SMARCC1: variants seen among roughly 807,000 people sequenced by gnomAD.
SMARCC1 encodes SWI/SNF related BAF chromatin remodeling complex subunit C1, also known as SWI/SNF complex subunit SMARCC1.
Under a neutral mutation model 147.4 loss-of-function variants are expected in SMARCC1, and 43 were observed. That is an observed-to-expected ratio of 0.29 (90% CI 0.23 to 0.38). SMARCC1 has a LOEUF of 0.38. Ranked by LOEUF, SMARCC1 falls within the 10% of genes least tolerant of loss-of-function variation. SMARCC1 has a pLI of 1.00. For synonymous variants in SMARCC1, 495 were observed against 484.4 expected (o/e 1.02, Z -0.29); for missense variants, 1,119 against 1,381.1 (o/e 0.81, Z 3.01).
Position 47,638,722 on chromosome 3 carries a change from T to A in SMARCC1, c.2376+3A>T, listed in dbSNP as rs1394169740. On this transcript the variant is annotated splice_donor_region_variant and intron_variant, in intron 22 of 27. Transcript: ENST00000254480. Reference sequence around the variant, plus strand: ...CTGTGGTTTTACTGCTGTGAGACTTTACCTTTTCAGGCTGCTGACCATCAG... The same window carrying A: ...CTGTGGTTTTACTGCTGTGAGACTTAACCTTTTCAGGCTGCTGACCATCAG... The A allele has an allele frequency of 6.2e-7, 1 of 1,611,982 alleles. No homozygotes were observed. The highest frequency in any genetic ancestry group is 8.5e-7 in the Non-Finnish European group (1 of 1,178,010).
chr3:47,656,556 G>C (rs1396020805), intron 21 of SMARCC1, among the ~76,000 whole-genome samples: 1 of 152,140 alleles, frequency 6.6e-6, no homozygotes, highest in Non-Finnish European at 1.5e-5. Context: ...GTCTACAAGA[G>C]AGGCACTTTT....
At chr3:47,685,136 C>A (rs1415018114) in intron 14 of SMARCC1, among the ~76,000 whole-genome samples, 1 of 152,068 alleles carries the variant, frequency 6.6e-6, no homozygotes, top group Non-Finnish European at 1.5e-5. Context: ...GGGCCACTAA[C>A]TAAAATAGGG....
At chr3:47,727,830 A>T (rs1269378778) in intron 6 of SMARCC1, among the ~76,000 whole-genome samples, 2 of 151,972 alleles carry the variant, frequency 1.3e-5, no homozygotes, top group Non-Finnish European at 2.9e-5. Flanking sequence ...ACCTCAGGTG[A>T]TCCACCCGCC....
chr3:47,653,089 C>G (rs1402070323), intron 21 of SMARCC1, among the ~76,000 whole-genome samples: 2 of 151,920 alleles, frequency 1.3e-5, no homozygotes, highest in Non-Finnish European at 2.9e-5. Context: ...TCCCGAGTAG[C>G]TGGGACTACA....
chr3:47,661,584 T>C (rs900784575), intron 20 of SMARCC1, 129 bp from the exon 21 acceptor site: 10 of 635,488 alleles, frequency 1.6e-5, no homozygotes, highest in Non-Finnish European at 2.7e-5. Context: ...AGGCTCTCAG[T>C]CCCTCTATAC....
chr3:47,680,056 G>T (rs2106760880), intron 15 of SMARCC1, among the ~76,000 whole-genome samples: 1 of 152,088 alleles, frequency 6.6e-6, no homozygotes, highest in Admixed American at 6.6e-5. Flanking sequence ...TAAACAGATA[G>T]ATAGATAAAT....
intron 24 of SMARCC1, among the ~76,000 whole-genome samples, chr3:47,632,629 T>C (rs1273101947): frequency 2.6e-5 from 4 of 151,896 alleles, no homozygotes; most frequent in Admixed American, 6.6e-5. Context: ...CTGGGTAACA[T>C]GGCAAAACCC....
chr3:47,631,630 C>G (rs1171507216), intron 24 of SMARCC1, among the ~76,000 whole-genome samples: 2 of 152,138 alleles, frequency 1.3e-5, no homozygotes, highest in East Asian at 3.8e-4. Flanking sequence ...CTTGAAAAAC[C>G]TTTCAGGGGA....
chr3:47,727,577 G>A (rs1340993914), intron 6 of SMARCC1, among the ~76,000 whole-genome samples: 3 of 151,336 alleles, frequency 2.0e-5, no homozygotes, highest in Admixed American at 6.6e-5. Flanking sequence ...TTTAACCTGG[G>A]TTTTGGCCAT....
intron 21 of SMARCC1, among the ~76,000 whole-genome samples, chr3:47,653,026 G>A (rs1381032375): frequency 1.4e-5 from 2 of 145,154 alleles, no homozygotes; most frequent in African/African-American, 5.1e-5. Flanking sequence ...GCGCAATCTC[G>A]GCTCACTGCA....
chr3:47,758,392 A>C (rs2034729263), intron 2 of SMARCC1, among the ~76,000 whole-genome samples: 3 of 151,980 alleles, frequency 2.0e-5, no homozygotes, highest in African/African-American at 4.8e-5. Context: ...AAAAAAAAAA[A>C]ACAAAAACTA....
At chr3:47,766,811 T>C (rs1472086069) in intron 2 of SMARCC1, among the ~76,000 whole-genome samples, 2 of 152,168 alleles carry the variant, frequency 1.3e-5, no homozygotes. Context: ...AAATGCTTGG[T>C]TCTTTCTAAA....
At chr3:47,776,538 AGG>A (rs973382105) in intron 1 of SMARCC1, among the ~76,000 whole-genome samples, 61 of 152,012 alleles carry the variant, frequency 4.0e-4, no homozygotes, top group African/African-American at 1.4e-3. Context: ...CAGGAGACAG[AGG>A]TTGCAGCAAG....
chr3:47,638,808 C>A, intron 21 of SMARCC1, 28 bp from the exon 22 acceptor site: 2 of 1,539,302 alleles, frequency 1.3e-6, no homozygotes, highest in Non-Finnish European at 1.8e-6. Context: ...AGAACAAGTA[C>A]TCCAATGTGG....
chr3:47,710,317 CAAA>C (rs1261944966), intron 9 of SMARCC1, among the ~76,000 whole-genome samples: 1 of 151,986 alleles, frequency 6.6e-6, no homozygotes, highest in Non-Finnish European at 1.5e-5. Flanking sequence ...GACTCTGTCT[CAAA>C]AAATATATAT....
intron 7 of SMARCC1, 117 bp downstream of exon 7, chr3:47,720,548 GA>G: frequency 1.3e-6 from 1 of 751,562 alleles, no homozygotes; most frequent in Non-Finnish European, 2.2e-6. Flanking sequence ...CCATAAGTGA[GA>G]AAAATGACTA....
rs2106736976 is a variant in SMARCC1 at position 47,662,461 on chromosome 3, G to A, written c.2031C>T (p.Ser677=). 1 of 1,614,118 alleles carries A rather than the reference G, an allele frequency of 6.2e-7. No homozygotes were observed. Among genetic ancestry groups the A allele is most frequent in the Non-Finnish European group, 8.5e-7 (1 of 1,180,022 alleles). The change falls in exon 20 of 28, where the codon TCC becomes TCT. Residue 677 remains serine (S), a synonymous_variant. Coordinates refer to ENST00000254480, the MANE Select transcript of SMARCC1 (RefSeq NM_003074.4). The part of the protein sequence containing the change: ...EDPYLENSDA[S]LGPLAYQPVP... ...CAGGCTGGTAGGCCAAAGGCCCAAG[G>A]GAAGCATCTGAATTCTCAAGGTATG...
intron 25 of SMARCC1, among the ~76,000 whole-genome samples, chr3:47,618,071 T>C (rs1211088616): frequency 2.0e-5 from 3 of 152,122 alleles, no homozygotes; most frequent in Admixed American, 6.5e-5. Flanking sequence ...CACAAACAGC[T>C]GACACCAAAT....
At chr3:47,681,891 T>TA (rs1049705642) in intron 14 of SMARCC1, among the ~76,000 whole-genome samples, 6 of 151,930 alleles carry the variant, frequency 3.9e-5, no homozygotes, top group Admixed American at 2.0e-4. Flanking sequence ...GGCCCACTTT[T>TA]AAAAAAAATT....
Sources: gnomAD v4.1 joint callset for allele counts (sites outside exome capture counted in the v4.1 genomes callset) on GRCh38, gnomAD v4.1.1 for gene constraint, MANE v1.5 for transcripts, NCBI Gene and HGNC (gene_info 2026-07-23, HGNC 2026-07-21) for gene names.